IPO7: variants seen among roughly 807,000 people sequenced by gnomAD.
IPO7 encodes the protein importin-7.
IPO7 carries 13 observed loss-of-function variants against 136.4 expected under a neutral mutation model. That is an observed-to-expected ratio of 0.10 (90% CI 0.06 to 0.15). The LOEUF (loss-of-function observed/expected upper bound fraction) is 0.15, where lower values mean the gene tolerates loss of function less well. Among genes scored for constraint, IPO7 ranks in the 10% least tolerant of loss-of-function variants. The pLI, the probability that IPO7 is intolerant of heterozygous loss-of-function variation, is 1.00. For missense variants in IPO7, 857 were observed against 1,240.6 expected, an observed-to-expected ratio of 0.69 and a Z score of 4.65; for synonymous variants, 403 against 404.4, an observed-to-expected ratio of 1.00 and a Z score of 0.04.
At position 9,438,302 on chromosome 11, in the gene IPO7, G is replaced by C. The variant is rs1189405819; in HGVS notation, c.2695+17G>C. 1 of 1,425,872 alleles carries C rather than the reference G, an allele frequency of 7.0e-7. No individual in the cohort carries two copies. Among genetic ancestry groups the C allele is most frequent in the African/African-American group, 1.4e-5 (1 of 71,190 alleles). 88.3% of individuals were successfully genotyped at this position (1,425,872 alleles called of 1,614,324 possible). Reference sequence around the variant, plus strand: ...ATGAAACCGGTAAGGGATTTTCAATGGAAGAAGACAAAACTTATCTACTTA... The same window carrying C: ...ATGAAACCGGTAAGGGATTTTCAATCGAAGAAGACAAAACTTATCTACTTA... On this transcript the variant is annotated intron_variant, in intron 22 of 24. Coordinates refer to ENST00000379719, the MANE Select transcript of IPO7 (RefSeq NM_006391.3).
chr11:9,425,601 C>T (rs541795004), intron 12 of IPO7, among the ~76,000 whole-genome samples: 2 of 151,976 alleles, frequency 1.3e-5, no homozygotes, highest in African/African-American at 2.4e-5. Context: ...ATCCGCCGGG[C>T]GTGATGGCTC....
chr11:9,402,361 C>G (rs977720180), intron 1 of IPO7, among the ~76,000 whole-genome samples: 60 of 139,926 alleles, frequency 4.3e-4, no homozygotes, highest in African/African-American at 1.4e-3. Flanking sequence ...GATCATGCCA[C>G]TGCACTCCAG....
chr11:9,402,115 T>C (rs145322247), intron 1 of IPO7, among the ~76,000 whole-genome samples: 59 of 152,202 alleles, frequency 3.9e-4, no homozygotes, highest in Non-Finnish European at 5.4e-4. Flanking sequence ...GAATGCTAGT[T>C]GGAGGGCCTG....
chr11:9,411,233 T>C (rs1420307408), intron 4 of IPO7, among the ~76,000 whole-genome samples: 2 of 152,286 alleles, frequency 1.3e-5, no homozygotes, highest in Non-Finnish European at 2.9e-5. Flanking sequence ...TGCTACATCA[T>C]TGGAATTCAG....
At chr11:9,402,915 G>C (rs908005533) in intron 1 of IPO7, 4 of 226,062 alleles carry the variant, frequency 1.8e-5, no homozygotes, top group African/African-American at 9.6e-5. Flanking sequence ...CAGCTACCCG[G>C]GAGGCTGAGG....
intron 15 of IPO7, chr11:9,430,623 C>T (rs540935221): frequency 5.6e-5 from 23 of 412,638 alleles, no homozygotes; most frequent in East Asian, 3.4e-4. Flanking sequence ...ATTTAGTCCT[C>T]GTACGGTGTC....
chr11:9,420,345 T>G (rs1327789188), intron 6 of IPO7, 66 bp from the exon 7 acceptor site: 2 of 1,057,040 alleles, frequency 1.9e-6, no homozygotes, highest in Non-Finnish European at 2.9e-6. Context: ...TGTCAATCTA[T>G]TCTCATCTCA....
intron 1 of IPO7, among the ~76,000 whole-genome samples, chr11:9,392,529 G>T (rs1854650792): frequency 6.6e-6 from 1 of 152,088 alleles, no homozygotes; most frequent in Admixed American, 6.6e-5. Flanking sequence ...TTACCTGGTT[G>T]TATTTAATGT....
In IPO7 at chr11:9,436,063, G is replaced by A. The variant is rs118059038; in HGVS notation, c.2173-208G>A. Among the ~76,000 whole-genome samples, 74 of 152,302 alleles carry A rather than the reference G, an allele frequency of 4.9e-4. 2 individuals are homozygous for A. The East Asian group carries it at 0.012, about 24-fold the overall frequency. ...GATGCCAGAGGGCTAGACTATGAAA[G>A]ATAGGAGGCAGACAGCTCCAGATCC... On this transcript the variant is annotated intron_variant, in intron 19 of 24. Transcript: ENST00000379719.
At chr11:9,427,523 ATGC>A (rs1312642131) in intron 12 of IPO7, among the ~76,000 whole-genome samples, 2 of 152,090 alleles carry the variant, frequency 1.3e-5, no homozygotes, top group Non-Finnish European at 2.9e-5. Context: ...GCTTCCCAAA[ATGC>A]TGGGATTACA....
intron 1 of IPO7, among the ~76,000 whole-genome samples, chr11:9,386,678 A>G (rs1303623163): frequency 6.6e-6 from 1 of 152,218 alleles, no homozygotes; most frequent in Non-Finnish European, 1.5e-5. Flanking sequence ...TTACATGTCT[A>G]GTATATGCAC....
intron 8 of IPO7, among the ~76,000 whole-genome samples, chr11:9,422,686 A>G (rs1264955862): frequency 6.6e-6 from 1 of 151,806 alleles, no homozygotes; most frequent in Non-Finnish European, 1.5e-5. Flanking sequence ...GGTGACTTAC[A>G]CCTGTAATCC....
chr11:9,402,039 C>T (rs1035707487), intron 1 of IPO7, among the ~76,000 whole-genome samples: 69 of 152,106 alleles, frequency 4.5e-4, no homozygotes, highest in African/African-American at 1.6e-3. Flanking sequence ...GGAGAAATTA[C>T]TTAAAAGAGG....
chr11:9,409,023 CT>C (rs1320468268), intron 3 of IPO7, among the ~76,000 whole-genome samples: 1 of 150,386 alleles, frequency 6.6e-6, no homozygotes. Flanking sequence ...TTCTGGGGGG[CT>C]TTTGGGGGCT....
rs905556747 is a variant in IPO7, at chr11:9,437,233, C to T, written c.2269-521C>T. ...CTTGTGAAGCCATGATTGATATCAT[C>T]GTGAGCTTTTATTTATTTTTTATTT... is the stretch of plus-strand genomic sequence containing the variant. On this transcript the variant is annotated intron_variant, in intron 20 of 24. Coordinates refer to ENST00000379719, the MANE Select transcript of IPO7 (RefSeq NM_006391.3). 2.7e-5 allele frequency among the ~76,000 whole-genome samples: 4 copies of T among 150,756 alleles called. No homozygotes were observed. The Admixed American group carries it at 2.7e-4, about 10-fold the overall frequency.
At chr11:9,393,226 A>T (rs930514714) in intron 1 of IPO7, among the ~76,000 whole-genome samples, 1 of 152,176 alleles carries the variant, frequency 6.6e-6, no homozygotes, top group African/African-American at 2.4e-5. Flanking sequence ...AAGGTATGGG[A>T]TGGACTAGAG....
intron 20 of IPO7, among the ~76,000 whole-genome samples, chr11:9,437,489 C>T (rs930529196): frequency 9.2e-5 from 14 of 151,652 alleles, no homozygotes; most frequent in African/African-American, 2.2e-4. Flanking sequence ...CTCCTGACCT[C>T]GTGATCCGCC....
In IPO7 at chr11:9,423,855, G is replaced by A. The variant is rs759386750; in HGVS notation, c.1120G>A (p.Glu374Lys). The change falls in exon 10 of 25, where the codon GAA becomes AAA. Residue 374 changes from glutamate to lysine, a missense_variant. Coordinates refer to ENST00000379719, the MANE Select transcript of IPO7 (RefSeq NM_006391.3). ...GGAACTTTGGCAAGAAGACCCTTAC[G>A]AATATATACGCATGAAGTTTGGTAA... ...DEELWQEDPY[E>K]YIRMKFDVFE... The A allele has an allele frequency of 6.2e-7, 1 of 1,601,002 alleles. No homozygotes were observed. Among genetic ancestry groups the A allele is most frequent in the Non-Finnish European group, 8.6e-7 (1 of 1,169,224 alleles).
intron 5 of IPO7, among the ~76,000 whole-genome samples, chr11:9,416,719 T>C (rs2047342039): frequency 2.0e-5 from 3 of 152,168 alleles, no homozygotes; most frequent in Non-Finnish European, 4.4e-5. Context: ...ATAAAGCATT[T>C]GATAAAATTA....
Sources: allele counts gnomAD v4.1 joint callset (sites outside exome capture counted in the v4.1 genomes callset), GRCh38; gene constraint gnomAD v4.1.1; transcripts MANE v1.5; gene names NCBI Gene and HGNC (gene_info 2026-07-23, HGNC 2026-07-21).